ZC3HAV1: variants seen among roughly 807,000 people sequenced by gnomAD.
ZC3HAV1 encodes zinc finger CCCH-type containing, antiviral 1, also known as zinc finger CCCH-type antiviral protein 1.
ZC3HAV1 carries 41 observed loss-of-function variants against 86.6 expected under a neutral mutation model. That is an observed-to-expected ratio of 0.47 (90% CI 0.37 to 0.61). ZC3HAV1 has a LOEUF of 0.61. Among genes scored for constraint, ZC3HAV1 ranks in the 20% least tolerant of loss-of-function variants. The pLI is 0.00. For synonymous variants in ZC3HAV1, 421 were observed against 432.1 expected, an observed-to-expected ratio of 0.97 and a Z score of 0.32; for missense variants, 964 against 1,141.1, an observed-to-expected ratio of 0.84 and a Z score of 2.24.
intron 1 of ZC3HAV1, among the ~76,000 whole-genome samples, chr7:139,098,521 G>A (rs1360752357): frequency 6.6e-6 from 1 of 152,106 alleles, no homozygotes; most frequent in Non-Finnish European, 1.5e-5. Flanking sequence ...TCTTCCCAGT[G>A]CCAGGAGTGG....
intron 6 of ZC3HAV1, among the ~76,000 whole-genome samples, chr7:139,074,531 G>A (rs115613246): frequency 0.016 from 2,498 of 152,076 alleles, 67 homozygotes; most frequent in African/African-American, 0.057. Context: ...TTCACAGCAG[G>A]TTGAATAAAG....
rs1366911185 is a variant in ZC3HAV1, at chr7:139,074,037, G to C, written c.1698-7C>G. On this transcript the variant is annotated splice_region_variant and splice_polypyrimidine_tract_variant and intron_variant, in intron 6 of 12. Transcript: ENST00000242351. ...ATAACTTCCTACAGAACAGCTGAGAGAGAAAAGTATTAAGTTAACATAATG... is the reference window on the plus strand; with the variant it reads ...ATAACTTCCTACAGAACAGCTGAGACAGAAAAGTATTAAGTTAACATAATG... The C allele has an allele frequency of 6.2e-7, 1 of 1,604,584 alleles. No homozygotes were observed. The highest frequency in any genetic ancestry group is 8.5e-7 in the Non-Finnish European group (1 of 1,177,126).
At chr7:139,089,850 C>T (rs1471744656) in intron 1 of ZC3HAV1, 91 bp from the exon 2 acceptor site, 9 of 1,383,210 alleles carry the variant, frequency 6.5e-6, no homozygotes, top group Admixed American at 5.6e-5. Context: ...TGCAAAGACC[C>T]GTGCCCATAT....
At position 139,079,344 on chromosome 7, in the gene ZC3HAV1, T is replaced by C. The variant is rs770415018; in HGVS notation, c.1471+126A>G. The stretch of plus-strand genomic sequence containing the variant: ...ATATCTTTTTCTGCCTTGACTGCCA[T>C]TGTTAAGCCAAAACCAGTGGCACCA... On this transcript the variant is annotated intron_variant, in intron 4 of 12. Transcript: ENST00000242351. The C allele has an allele frequency of 1.8e-5, 28 of 1,576,864 alleles. No homozygotes were observed. In the East Asian group the frequency reaches 5.2e-4, roughly 29 times the overall value.
chr7:139,081,060 T>C (rs75819597), intron 3 of ZC3HAV1, among the ~76,000 whole-genome samples: 8,008 of 152,122 alleles, frequency 0.053, 236 homozygotes, highest in Admixed American at 0.066. Context: ...CTCTAGAAAC[T>C]TGATAGGTCA....
intron 12 of ZC3HAV1, among the ~76,000 whole-genome samples, chr7:139,048,244 T>C (rs1459326117): frequency 2.0e-5 from 3 of 152,188 alleles, no homozygotes; most frequent in African/African-American, 7.2e-5. Context: ...CAGATAACGA[T>C]TGCTGCTTCC....
chr7:139,087,946 A>G (rs1367371898), intron 2 of ZC3HAV1, among the ~76,000 whole-genome samples: 1 of 150,824 alleles, frequency 6.6e-6, no homozygotes. Context: ...GCAGGAGGAT[A>G]ACTTCAGCCC....
At chr7:139,097,433 T>TTTTTTTATTTTTTTTTA (rs1817635774) in intron 1 of ZC3HAV1, among the ~76,000 whole-genome samples, 1 of 118,948 alleles carries the variant, frequency 8.4e-6, no homozygotes, top group African/African-American at 3.6e-5. Context: ...TATATATTTT[T>TTTTTTTATTTTTTTTTA]TTTTTTTTTT....
At chr7:139,091,289 G>A (rs1817425834) in intron 1 of ZC3HAV1, among the ~76,000 whole-genome samples, 2 of 152,178 alleles carry the variant, frequency 1.3e-5, no homozygotes, top group Admixed American at 6.5e-5. Flanking sequence ...CACGAGGTCA[G>A]GAGATCGAGA....
At position 139,108,269 on chromosome 7, in the gene ZC3HAV1, A is replaced by G. The variant is rs1255224762; in HGVS notation, c.308+755T>C. Among the ~76,000 whole-genome samples the G allele has an allele frequency of 6.6e-6, 1 of 151,206 alleles. No individual in the cohort carries two copies. Among genetic ancestry groups the G allele is most frequent in the African/African-American group, 2.4e-5 (1 of 41,128 alleles). The stretch of plus-strand genomic sequence containing the variant: ...AACCTTGCAGCGCATCTGCATTTAG[A>G]CGAAAAAAAAAAAAGGCAAACGGAA... On this transcript the variant is annotated intron_variant, in intron 1 of 12. Coordinates refer to ENST00000242351, the MANE Select transcript of ZC3HAV1 (RefSeq NM_020119.4). This position sits in a 1 kb window ranked among gnomAD's most constrained non-coding sequence, Gnocchi z 4.2.
Position 139,047,694 on chromosome 7 carries a change from G to A in ZC3HAV1, c.2609C>T (p.Thr870Ile), listed in dbSNP as rs769702561. The part of the protein sequence containing the change: ...PPPQFDSCVD[T>I]RSNPSVFVIF... ...GACAAAAACGGAGGGATTCGATCTG[G>A]TATCCACACAGCTGTCGAACTGTGG... The change falls in exon 13 of 13, where the codon ACC becomes ATC. Residue 870 changes from threonine to isoleucine, a missense_variant. Physicochemically the swap from Thr to Ile is moderately conservative, Grantham distance 89. Coordinates refer to ENST00000242351, the MANE Select transcript of ZC3HAV1 (RefSeq NM_020119.4). The A allele has an allele frequency of 6.2e-7, 1 of 1,614,070 alleles. No individual in the cohort carries two copies. Among genetic ancestry groups the A allele is most frequent in the East Asian group, 2.2e-5 (1 of 44,878 alleles).
intron 6 of ZC3HAV1, among the ~76,000 whole-genome samples, chr7:139,075,947 A>C (rs1466391806): frequency 6.6e-6 from 1 of 152,198 alleles, no homozygotes; most frequent in Non-Finnish European, 1.5e-5. Flanking sequence ...TGATGAACTG[A>C]TCAGGATACG....
At chr7:139,090,959 C>T (rs1817412213) in intron 1 of ZC3HAV1, among the ~76,000 whole-genome samples, 1 of 152,148 alleles carries the variant, frequency 6.6e-6, no homozygotes, top group Non-Finnish European at 1.5e-5. Context: ...GTCACTCAGG[C>T]TCTAGCGACA....
chr7:139,088,027 G>A (rs1817320246), intron 2 of ZC3HAV1, among the ~76,000 whole-genome samples: 1 of 86,040 alleles, frequency 1.2e-5, no homozygotes, highest in African/African-American at 5.1e-5. Flanking sequence ...GCAAGATCCT[G>A]TCTCAAAAAA....
At chr7:139,049,340 T>C (rs954329476) in intron 12 of ZC3HAV1, 5 of 152,148 alleles carry the variant, frequency 3.3e-5, no homozygotes, top group African/African-American at 9.7e-5. Context: ...TGATTAGCGA[T>C]GTTGAGCATT....
At chr7:139,056,552 C>A (rs1274336634) in intron 9 of ZC3HAV1, among the ~76,000 whole-genome samples, 2 of 152,026 alleles carry the variant, frequency 1.3e-5, no homozygotes, top group African/African-American at 4.8e-5. Flanking sequence ...GTGTGTACCA[C>A]CACACCTGTC....
intron 10 of ZC3HAV1, among the ~76,000 whole-genome samples, chr7:139,054,335 A>C (rs1816222035): frequency 6.6e-6 from 1 of 152,160 alleles, no homozygotes; most frequent in Admixed American, 6.6e-5. Context: ...CTAAGGGAAA[A>C]GGGAAGTCCC....
chr7:139,083,726 CAAAAAAA>C (rs34732980), intron 3 of ZC3HAV1, 47 bp downstream of exon 3: 6 of 1,326,724 alleles, frequency 4.5e-6, no homozygotes, highest in Admixed American at 3.3e-5. Context: ...GACTCTGTCT[CAAAAAAA>C]AAAAAAAAAA....
At chr7:139,075,833 T>C (rs1319024969) in intron 6 of ZC3HAV1, among the ~76,000 whole-genome samples, 1 of 152,214 alleles carries the variant, frequency 6.6e-6, no homozygotes, top group African/African-American at 2.4e-5. Flanking sequence ...ACAACAAAAT[T>C]CTACAGTAAA....
Sources: gnomAD v4.1 joint callset for allele counts (sites outside exome capture counted in the v4.1 genomes callset) on GRCh38, gnomAD v4.1.1 for gene constraint, Gnocchi (gnomAD v3.1) non-coding constraint, MANE v1.5 for transcripts, NCBI Gene and HGNC (gene_info 2026-07-23, HGNC 2026-07-21) for gene names.